Variants in MYL12A observed in about 807,000 individuals in gnomAD.
MYL12A encodes myosin light chain 12A.
Under a neutral mutation model 13.3 loss-of-function variants are expected in MYL12A, and 11 were observed. That is an observed-to-expected ratio of 0.83 (90% CI 0.52 to 1.37). The LOEUF (loss-of-function observed/expected upper bound fraction) is 1.37, where lower values mean the gene tolerates loss of function less well. Among genes scored for constraint, MYL12A ranks in the 40% most tolerant of loss-of-function variants. MYL12A has a pLI of 0.00. For synonymous variants in MYL12A, 51 were observed against 69.9 expected (o/e 0.73, Z 1.35); for missense variants, 146 against 212.3 (o/e 0.69, Z 1.94).
intron 1 of MYL12A, 44 bp downstream of exon 1, chr18:3,247,953 A>T (rs1424744633): frequency 6.6e-6 from 1 of 151,732 alleles, no homozygotes; most frequent in Non-Finnish European, 1.5e-5. Context: ...CATCCCGGGG[A>T]CCCGTCTCCG....
intron 1 of MYL12A, chr18:3,249,443 G>A (rs1260768155): frequency 6.6e-6 from 1 of 152,126 alleles, no homozygotes; most frequent in Middle Eastern, 3.2e-3. Context: ...TTAAAAAAAA[G>A]GTTATGCTCC....
At chr18:3,249,249 C>T (rs2081460433) in intron 1 of MYL12A, 2 of 152,156 alleles carry the variant, frequency 1.3e-5, no homozygotes, top group African/African-American at 4.8e-5. Flanking sequence ...CTGAAAACTT[C>T]TTGTGTCCTT....
chr18:3,253,396 A>C lies in MYL12A; in HGVS notation c.149A>C (p.Lys50Thr). Residue 50 changes from lysine to threonine, a missense_variant, in exon 2 of 4, where the codon AAG (lysine) becomes ACG (threonine). Physicochemically the swap from Lys to Thr is moderately conservative, Grantham distance 78 (BLOSUM62 -1). Coordinates refer to ENST00000217652, the MANE Select transcript of MYL12A (RefSeq NM_006471.4). ...CAGAACAGAGATGGTTTCATCGACAAGGAAGATTTGCATGATATGCTTGCT... is the reference window on the plus strand; with the variant it reads ...CAGAACAGAGATGGTTTCATCGACACGGAAGATTTGCATGATATGCTTGCT... ...IDQNRDGFID[K>T]EDLHDMLASL... 1 of 1,613,796 alleles carries C rather than the reference A, an allele frequency of 6.2e-7. No homozygotes were observed. Among genetic ancestry groups the C allele is most frequent in the South Asian group, 1.1e-5 (1 of 91,046 alleles).
chr18:3,251,460 G>A (rs1452939475), intron 1 of MYL12A, among the ~76,000 whole-genome samples: 1 of 152,198 alleles, frequency 6.6e-6, no homozygotes, highest in Non-Finnish European at 1.5e-5. Context: ...TTTTAAAGAT[G>A]TGCTTTGGCT....
At chr18:3,248,533 T>A (rs1676150981) in intron 1 of MYL12A, 1 of 152,226 alleles carries the variant, frequency 6.6e-6, no homozygotes, top group Non-Finnish European at 1.5e-5. Flanking sequence ...TTAGTAGGTA[T>A]ATGAATGTAT....
At chr18:3,249,958 C>T (rs954700940) in intron 1 of MYL12A, 4 of 151,944 alleles carry the variant, frequency 2.6e-5, no homozygotes, top group African/African-American at 4.8e-5. Context: ...TGAGGAGCTT[C>T]GTAATTTGGA....
chr18:3,253,524 A>G, intron 2 of MYL12A, 96 bp downstream of exon 2: 3 of 1,420,410 alleles, frequency 2.1e-6, no homozygotes, highest in Non-Finnish European at 2.9e-6. Flanking sequence ...AAGCCTGTCT[A>G]ATGAGTCTAC....
At position 3,253,244 on chromosome 18, in the gene MYL12A, C is replaced by A; in HGVS notation, c.-4C>A. ...CCTTTCCTAATTAGGACTTAACCACCACCATGTCGAGCAAAAGAACAAAGA... is the reference window on the plus strand; with the variant it reads ...CCTTTCCTAATTAGGACTTAACCACAACCATGTCGAGCAAAAGAACAAAGA... On this transcript the variant is annotated 5_prime_UTR_variant, in exon 2 of 4. Coordinates refer to ENST00000217652, the MANE Select transcript of MYL12A (RefSeq NM_006471.4). 2 of 1,611,900 alleles carry A rather than the reference C, an allele frequency of 1.2e-6. No individual in the cohort carries two copies. The highest frequency in any genetic ancestry group is 1.7e-6 in the Non-Finnish European group (2 of 1,178,574).
chr18:3,252,319 A>G, intron 1 of MYL12A: 1 of 1,533,600 alleles, frequency 6.5e-7, no homozygotes, highest in Non-Finnish European at 8.7e-7. Flanking sequence ...TGCAACTCTG[A>G]AGGATGGTAT....
chr18:3,247,837 C>T lies in MYL12A; in HGVS notation c.-88C>T, dbSNP rs111357291. ...GGAAGCGGTGGTTTTTAGCGGCTCT[C>T]TGGGTAGCAGGGTGGTGTGATAGCG... is the stretch of plus-strand genomic sequence containing the variant. On this transcript the variant is annotated 5_prime_UTR_variant, in exon 1 of 4. Coordinates refer to ENST00000217652, the MANE Select transcript of MYL12A (RefSeq NM_006471.4). 3 of 152,126 alleles carry T rather than the reference C, an allele frequency of 2.0e-5. No individual in the cohort carries two copies. The highest frequency in any genetic ancestry group is 2.1e-4 in the South Asian group (1 of 4,826). 9.4% of individuals were successfully genotyped at this position (152,126 alleles called of 1,614,324 possible). A position where few individuals can be genotyped will look rare whatever the true frequency, so the allele number is the denominator to read the frequency against.
intron 1 of MYL12A, among the ~76,000 whole-genome samples, chr18:3,251,700 AGAAT>A (rs750275589): frequency 7.2e-5 from 11 of 151,960 alleles, no homozygotes; most frequent in Non-Finnish European, 1.6e-4. Flanking sequence ...AAGGTGTTAT[AGAAT>A]GAAAATATGC....
At chr18:3,249,405 A>G (rs1434967615) in intron 1 of MYL12A, 2 of 152,158 alleles carry the variant, frequency 1.3e-5, no homozygotes, top group East Asian at 1.9e-4. Flanking sequence ...AACCAGATTC[A>G]TTGCCACCAG....
Position 3,255,275 on chromosome 18 carries a change from G to A in MYL12A, c.344-471G>A, listed in dbSNP as rs540874025. On this transcript the variant is annotated intron_variant, in intron 3 of 3. Coordinates refer to ENST00000217652, the MANE Select transcript of MYL12A (RefSeq NM_006471.4). ...GAAGTGAAATGCCTGAAATAAAATA[G>A]CTTCTTAAAACTGGGCCTCAAGCTT... Among the ~76,000 whole-genome samples, 5 of 152,270 alleles carry A rather than the reference G, an allele frequency of 3.3e-5. No individual in the cohort carries two copies. In the East Asian group the frequency reaches 9.6e-4, roughly 29 times the overall value.
intron 1 of MYL12A, chr18:3,248,575 C>T (rs1190174931): frequency 6.6e-6 from 1 of 152,144 alleles, no homozygotes; most frequent in Non-Finnish European, 1.5e-5. Flanking sequence ...ATGGATTTAG[C>T]AGAGATTTTA....
chr18:3,252,281 G>T, intron 1 of MYL12A: 1 of 1,500,570 alleles, frequency 6.7e-7, no homozygotes, highest in South Asian at 1.2e-5. Context: ...TTTTGCTGCT[G>T]AGCGGTTTTG....
chr18:3,250,501 T>G (rs1213537140), intron 1 of MYL12A, among the ~76,000 whole-genome samples: 1 of 152,156 alleles, frequency 6.6e-6, no homozygotes, highest in Non-Finnish European at 1.5e-5. Context: ...ACCCCACAGT[T>G]TCTGTATTTT....
At chr18:3,251,359 C>T (rs1467267250) in intron 1 of MYL12A, among the ~76,000 whole-genome samples, 1 of 152,122 alleles carries the variant, frequency 6.6e-6, no homozygotes, top group Non-Finnish European at 1.5e-5. Context: ...GATGTGTCAG[C>T]CGTTTGACCT....
chr18:3,253,573 G>C (rs768230714), intron 2 of MYL12A, 145 bp downstream of exon 2: 5 of 1,002,804 alleles, frequency 5.0e-6, no homozygotes, highest in Non-Finnish European at 7.2e-6. Context: ...TTTCCCACCG[G>C]ATCACCAGCA....
chr18:3,250,736 C>T (rs576693761), intron 1 of MYL12A, among the ~76,000 whole-genome samples: 4 of 152,304 alleles, frequency 2.6e-5, no homozygotes, highest in African/African-American at 9.6e-5. Context: ...TCTAAATGAT[C>T]CCACACGGGG....
Sources: gnomAD v4.1 joint callset for allele counts (sites outside exome capture counted in the v4.1 genomes callset) on GRCh38, gnomAD v4.1.1 for gene constraint, MANE v1.5 for transcripts, NCBI Gene and HGNC (gene_info 2026-07-23, HGNC 2026-07-21) for gene names.